Variants in CDKN2B-AS1 observed in about 807,000 individuals in gnomAD.
CDKN2B-AS1 encodes the protein CDKN2B antisense RNA 1 (non-protein coding).
chr9:22,015,164 A>T (rs1305140533), intron 1 of CDKN2B-AS1, among the ~76,000 whole-genome samples: 1 of 152,134 alleles, frequency 6.6e-6, no homozygotes, highest in Non-Finnish European at 1.5e-5. Flanking sequence ...TTCTAGTTCT[A>T]GATCCCTGAG....
In CDKN2B-AS1 at chr9:22,071,315, T is replaced by C. The variant is rs957034680; in HGVS notation, n.438+14928T>C. Among the ~76,000 whole-genome samples the C allele has an allele frequency of 5.3e-5, 5 of 94,348 alleles. No homozygotes were observed. In the South Asian group the frequency reaches 1.8e-3, roughly 33 times the overall value. The allele number at this position is 94,348 out of a possible 152,430, so 61.9% of individuals were successfully genotyped here. A position where few individuals can be genotyped will look rare whatever the true frequency, so the allele number is the denominator to read the frequency against. ...TTTTTTTTTTTTTTTTTTTTTTTTTTTAGACACGGAGTCTTGCTCTGTTGA... is the reference window on the plus strand; with the variant it reads ...TTTTTTTTTTTTTTTTTTTTTTTTTCTAGACACGGAGTCTTGCTCTGTTGA... On this transcript the variant is annotated intron_variant and non_coding_transcript_variant, in intron 4 of 4. Transcript: ENST00000650946.
intron 4 of CDKN2B-AS1, among the ~76,000 whole-genome samples, chr9:22,111,518 C>A (rs1194821168): frequency 6.6e-6 from 1 of 152,142 alleles, no homozygotes. Flanking sequence ...CTTGGCACTA[C>A]TATCTCTTTC....
chr9:22,006,357 T>G lies in CDKN2B-AS1; in HGVS notation n.29+11196T>G. On this transcript the variant is annotated intron_variant and non_coding_transcript_variant, in intron 1 of 4. Coordinates refer to ENST00000650946, the Ensembl canonical transcript of CDKN2B-AS1. The surrounding 1 kb of genome is among the most constrained non-coding windows in gnomAD (Gnocchi z 6.4). ...AAAGAAACACCTAATTGCAAAGTTT[T>G]CACCCAGTGCAGAGGTGTTCAGGTC... 6.9e-7 allele frequency: 1 copy of G among 1,455,698 alleles called. No homozygotes were observed. Among genetic ancestry groups the G allele is most frequent in the South Asian group, 1.2e-5 (1 of 83,042 alleles). 90.2% of individuals were successfully genotyped at this position (1,455,698 alleles called of 1,614,324 possible). A position where few individuals can be genotyped will look rare whatever the true frequency, so the allele number is the denominator to read the frequency against.
intron 4 of CDKN2B-AS1, among the ~76,000 whole-genome samples, chr9:22,103,738 C>G (rs1825567260): frequency 6.6e-6 from 1 of 152,110 alleles, no homozygotes; most frequent in Non-Finnish European, 1.5e-5. Flanking sequence ...GACAGCCAAC[C>G]CCCTGTATTG....
At chr9:22,032,072 C>A (rs776560892) in intron 1 of CDKN2B-AS1, among the ~76,000 whole-genome samples, 119 of 152,204 alleles carry the variant, frequency 7.8e-4, no homozygotes, top group Non-Finnish European at 1.4e-3. Context: ...TTGGTAGACA[C>A]CTTGATTGCA....
intron 4 of CDKN2B-AS1, among the ~76,000 whole-genome samples, chr9:22,083,776 T>C (rs976495267): frequency 1.3e-5 from 2 of 152,148 alleles, no homozygotes. Context: ...GAGTTCAGTT[T>C]TGGATGTGTT....
In CDKN2B-AS1 at chr9:21,999,558, T is replaced by G. The variant is rs922807636; in HGVS notation, n.29+4397T>G. 1.3e-5 allele frequency among the ~76,000 whole-genome samples: 2 copies of G among 152,016 alleles called. No individual in the cohort carries two copies. The highest frequency in any genetic ancestry group is 4.2e-4 in the South Asian group (2 of 4,814). ...ATACATATGTATATATGGATAGATT[T>G]TACACCTACAGACACATTTAGATAT... On this transcript the variant is annotated intron_variant and non_coding_transcript_variant, in intron 1 of 4. Transcript: ENST00000650946. The surrounding 1 kb of genome is among the most constrained non-coding windows in gnomAD (Gnocchi z 4.7).
At chr9:22,106,328 G>A (rs1306554911) in intron 4 of CDKN2B-AS1, among the ~76,000 whole-genome samples, 8 of 152,150 alleles carry the variant, frequency 5.3e-5, no homozygotes, top group African/African-American at 9.6e-5. Flanking sequence ...TGATCCGCCC[G>A]CCTCAGCCTC....
chr9:22,102,119 AG>A (rs1825505581), intron 4 of CDKN2B-AS1, among the ~76,000 whole-genome samples: 1 of 152,194 alleles, frequency 6.6e-6, no homozygotes. Context: ...AAAAATGGGA[AG>A]ATTTGGCCGT....
chr9:22,061,159 G>A (rs1823804276), intron 4 of CDKN2B-AS1, among the ~76,000 whole-genome samples: 1 of 152,148 alleles, frequency 6.6e-6, no homozygotes, highest in African/African-American at 2.4e-5. Flanking sequence ...CCAACATTGG[G>A]GGAGAACTGA....
intron 1 of CDKN2B-AS1, chr9:22,012,265 C>T (rs879136340): frequency 9.0e-6 from 13 of 1,445,872 alleles, no homozygotes; most frequent in Non-Finnish European, 1.3e-5. Context: ...AGGGTATCCC[C>T]CCTGACAAGC....
chr9:22,113,441 A>G (rs1308637736), intron 4 of CDKN2B-AS1, among the ~76,000 whole-genome samples: 1 of 152,180 alleles, frequency 6.6e-6, no homozygotes, highest in African/African-American at 2.4e-5. Context: ...ATCCGTCTGG[A>G]TAATCTTTTA....
At chr9:22,031,331 G>C (rs1391251421) in intron 1 of CDKN2B-AS1, among the ~76,000 whole-genome samples, 1 of 152,120 alleles carries the variant, frequency 6.6e-6, no homozygotes, top group African/African-American at 2.4e-5. Context: ...TCCAGTGCTT[G>C]TTACTGCACT....
Position 22,006,270 on chromosome 9 carries a change from C to A in CDKN2B-AS1, n.29+11109C>A. On this transcript the variant is annotated intron_variant and non_coding_transcript_variant, in intron 1 of 4. Transcript: ENST00000650946. The surrounding 1 kb of genome is among the most constrained non-coding windows in gnomAD (Gnocchi z 6.4). ...GACCTGCCAGAGAGAGCAGAGTGGT[C>A]AGAGCCAGGGTGGGGGCAGGTATGG... The A allele has an allele frequency of 1.2e-6, 2 of 1,601,356 alleles. No individual in the cohort carries two copies. The highest frequency in any genetic ancestry group is 2.2e-5 in the South Asian group (2 of 91,016).
At chr9:22,089,411 A>G (rs553843228) in intron 4 of CDKN2B-AS1, among the ~76,000 whole-genome samples, 26 of 152,256 alleles carry the variant, frequency 1.7e-4, no homozygotes, top group Admixed American at 1.4e-3. Flanking sequence ...TACTTGCTTT[A>G]TATTAAGAAC....
At chr9:22,068,592 C>T (rs1307839190) in intron 4 of CDKN2B-AS1, among the ~76,000 whole-genome samples, 2 of 152,058 alleles carry the variant, frequency 1.3e-5, no homozygotes, top group African/African-American at 4.8e-5. Flanking sequence ...TCGTAGGAGG[C>T]CTCTATTGAA....
chr9:22,017,811 CA>C (rs1483504039), intron 1 of CDKN2B-AS1, among the ~76,000 whole-genome samples: 1 of 146,178 alleles, frequency 6.8e-6, no homozygotes, highest in African/African-American at 2.7e-5. Context: ...CCATTGCATG[CA>C]AAGAGGTGTT....
intron 1 of CDKN2B-AS1, among the ~76,000 whole-genome samples, chr9:22,028,847 A>T (rs181587016): frequency 5.8e-4 from 89 of 152,282 alleles, no homozygotes; most frequent in African/African-American, 2.0e-3. Flanking sequence ...TTTCCTTGGC[A>T]TGATACAAAT....
intron 1 of CDKN2B-AS1, among the ~76,000 whole-genome samples, chr9:22,041,204 G>T (rs965511809): frequency 6.6e-6 from 1 of 151,878 alleles, no homozygotes; most frequent in African/African-American, 2.4e-5. Context: ...AAAGTATATT[G>T]GGAGAAAAAG....
Sources: allele counts gnomAD v4.1 joint callset (sites outside exome capture counted in the v4.1 genomes callset), GRCh38; gene constraint gnomAD v4.1.1; non-coding constraint Gnocchi (gnomAD v3.1); transcripts MANE v1.5; gene names NCBI Gene and HGNC (gene_info 2026-07-23, HGNC 2026-07-21).